SBF2: variants seen among roughly 807,000 people sequenced by gnomAD.
SBF2 encodes the protein SET binding factor 2.
SBF2 carries 112 observed loss-of-function variants against 225.2 expected under a neutral mutation model. The ratio of observed to expected loss-of-function variants is 0.50; its 90% CI spans 0.43 to 0.58. SBF2 has a LOEUF of 0.58. SBF2 is among the 20% of genes least tolerant of loss of function. The pLI is 0.00. For missense variants in SBF2, 1,996 were observed against 2,206.2 expected, an observed-to-expected ratio of 0.90 and a Z score of 1.91; for synonymous variants, 763 against 773.3, an observed-to-expected ratio of 0.99 and a Z score of 0.22.
In SBF2 at chr11:9,829,482, A is replaced by T; in HGVS notation, c.3667T>A (p.Leu1223Ile). Residue 1223 changes from leucine to isoleucine, a missense_variant, in exon 28 of 40, where the codon TTA (leucine) becomes ATA (isoleucine). By Grantham distance (5) the Leu-to-Ile change is conservative. Coordinates refer to ENST00000256190, the MANE Select transcript of SBF2 (RefSeq NM_030962.4). ...NSPQAAPTSS[L>I]ESSSSIEQEK... ...TGTTCTATGCTACTGGAAGATTCTA[A>T]AGAGGAGGTAGGAGCTATAAAAGGA... The T allele has an allele frequency of 6.2e-7, 1 of 1,611,932 alleles. No homozygotes were observed. Among genetic ancestry groups the T allele is most frequent in the Non-Finnish European group, 8.5e-7 (1 of 1,177,956 alleles).
intron 2 of SBF2, among the ~76,000 whole-genome samples, chr11:10,089,350 T>C (rs1390651952): frequency 2.0e-5 from 3 of 152,256 alleles, no homozygotes; most frequent in Non-Finnish European, 4.4e-5. Flanking sequence ...ATGCAGAGCA[T>C]GACTGTACTT....
chr11:9,839,498 C>T lies in SBF2; in HGVS notation c.3455G>A (p.Ser1152Asn). ...ASNRMYSLCR[S>N]YPGLLVVPQA... Reference sequence around the variant, plus strand: ...TTTTGGAGCCCACTGACACACTTACCTCCGGCAGAGTGAATACATCCTGTT... The same window carrying T: ...TTTTGGAGCCCACTGACACACTTACTTCCGGCAGAGTGAATACATCCTGTT... Residue 1152 changes from serine to asparagine, a missense_variant and splice_region_variant, in exon 26 of 40, where the codon AGC becomes AAC. Coordinates refer to ENST00000256190, the MANE Select transcript of SBF2 (RefSeq NM_030962.4). The T allele has an allele frequency of 6.2e-7, 1 of 1,614,114 alleles. No individual in the cohort carries two copies. The highest frequency in any genetic ancestry group is 8.5e-7 in the Non-Finnish European group (1 of 1,179,964).
chr11:9,998,457 T>C (rs1400763286), intron 8 of SBF2, 78 bp from the exon 9 acceptor site: 7 of 799,188 alleles, frequency 8.8e-6, no homozygotes, highest in Admixed American at 2.0e-5. Context: ...CCTTGACTAA[T>C]TCAAAACGAG....
intron 2 of SBF2, among the ~76,000 whole-genome samples, chr11:10,145,521 T>G (rs1954844483): frequency 6.6e-6 from 1 of 152,142 alleles, no homozygotes; most frequent in South Asian, 2.1e-4. Context: ...GTTTAAAAAC[T>G]ACCACAGCTT....
intron 1 of SBF2, among the ~76,000 whole-genome samples, chr11:10,236,953 G>C (rs985961916): frequency 3.3e-5 from 5 of 152,070 alleles, no homozygotes; most frequent in African/African-American, 1.2e-4. Context: ...GATCTGGAAA[G>C]AAAAAAAGAA....
At chr11:10,085,448 A>G (rs892660424) in intron 2 of SBF2, among the ~76,000 whole-genome samples, 5 of 152,028 alleles carry the variant, frequency 3.3e-5, no homozygotes, top group Admixed American at 2.6e-4. Context: ...TCATGTACTA[A>G]TTTATGTTTA....
Position 9,808,177 on chromosome 11 carries a change from G to A in SBF2, c.4266C>T (p.Ser1422=), listed in dbSNP as rs763445946. ...EGWDITAQVT[S]LVQLLSDPFY... ...AGGGATCACTGAGTAACTGAACCAG[G>A]GATGTCACCTAGGGCATAAGCAGGA... The change falls in exon 32 of 40, where the codon TCC becomes TCT. Residue 1422 remains serine, a synonymous_variant. Coordinates refer to ENST00000256190, the MANE Select transcript of SBF2 (RefSeq NM_030962.4). The A allele has an allele frequency of 1.1e-5, 18 of 1,613,638 alleles. No homozygotes were observed. The highest frequency in any genetic ancestry group is 1.5e-5 in the Non-Finnish European group (18 of 1,179,872).
At chr11:10,060,838 C>G (rs1282191206) in intron 2 of SBF2, among the ~76,000 whole-genome samples, 3 of 152,044 alleles carry the variant, frequency 2.0e-5, no homozygotes, top group African/African-American at 7.2e-5. Context: ...ACCATCCTGG[C>G]TAACACGGTT....
Position 9,839,313 on chromosome 11 carries a change from G to C in SBF2, c.3455+185C>G, listed in dbSNP as rs536138745. On this transcript the variant is annotated intron_variant, in intron 26 of 39. Coordinates refer to ENST00000256190, the MANE Select transcript of SBF2 (RefSeq NM_030962.4). Reference sequence around the variant, plus strand: ...ACCTTTCACCTTCTCACCTACTAGAGGTACTTTCAGTAAGGTAATTGTTCC... The same window carrying C: ...ACCTTTCACCTTCTCACCTACTAGACGTACTTTCAGTAAGGTAATTGTTCC... 7 of 655,844 alleles carry C rather than the reference G, an allele frequency of 1.1e-5. No individual in the cohort carries two copies. In the East Asian group the frequency reaches 1.9e-4, roughly 18 times the overall value. The allele number at this position is 655,844 out of a possible 1,614,324, so 40.6% of individuals were successfully genotyped here. A position where few individuals can be genotyped will look rare whatever the true frequency, so the allele number is the denominator to read the frequency against.
At chr11:10,046,891 A>C (rs2134696669) in intron 2 of SBF2, among the ~76,000 whole-genome samples, 1 of 151,562 alleles carries the variant, frequency 6.6e-6, no homozygotes, top group Middle Eastern at 3.4e-3. Flanking sequence ...AAAAAAAAAA[A>C]AAAACCCATC....
chr11:10,267,669 A>G (rs1267937628), intron 1 of SBF2, among the ~76,000 whole-genome samples: 1 of 151,838 alleles, frequency 6.6e-6, no homozygotes, highest in Non-Finnish European at 1.5e-5. Context: ...CTAAGTACAA[A>G]GCTAGAAGCA....
intron 6 of SBF2, among the ~76,000 whole-genome samples, chr11:10,013,907 A>G (rs1261433910): frequency 6.7e-6 from 1 of 149,416 alleles, no homozygotes; most frequent in Non-Finnish European, 1.5e-5. Flanking sequence ...TTCATTCATT[A>G]TCAGTGTGGA....
intron 33 of SBF2, among the ~76,000 whole-genome samples, chr11:9,795,277 A>T (rs1262377327): frequency 6.6e-6 from 1 of 152,216 alleles, no homozygotes; most frequent in African/African-American, 2.4e-5. Context: ...TTGGGCTAAG[A>T]GGCTAAGTGA....
rs373508767 is a variant in SBF2 at position 10,148,575 on chromosome 11, G to A, written c.141+45327C>T. 3.9e-5 allele frequency among the ~76,000 whole-genome samples: 6 copies of A among 151,946 alleles called. No individual in the cohort carries two copies. In the East Asian group the frequency reaches 1.2e-3, roughly 29 times the overall value. On this transcript the variant is annotated intron_variant, in intron 2 of 39. Coordinates refer to ENST00000256190, the MANE Select transcript of SBF2 (RefSeq NM_030962.4). Reference sequence around the variant, plus strand: ...ACTAGGAAGATTACCAAAGGTCCCAGCCAGGACAAAATCTAGGATCTCCAG... The same window carrying A: ...ACTAGGAAGATTACCAAAGGTCCCAACCAGGACAAAATCTAGGATCTCCAG...
At chr11:9,942,659 G>C (rs1234566327) in intron 16 of SBF2, among the ~76,000 whole-genome samples, 1 of 151,900 alleles carries the variant, frequency 6.6e-6, no homozygotes, top group Non-Finnish European at 1.5e-5. Context: ...GTAAAATCCT[G>C]TCTCTACTAA....
chr11:10,176,611 G>A (rs561007048), intron 2 of SBF2, among the ~76,000 whole-genome samples: 7 of 152,218 alleles, frequency 4.6e-5, no homozygotes, highest in Admixed American at 1.3e-4. Context: ...TAAATTCCTC[G>A]ACATATACAC....
intron 2 of SBF2, among the ~76,000 whole-genome samples, chr11:10,090,211 T>C (rs1432871444): frequency 1.3e-5 from 2 of 152,198 alleles, no homozygotes; most frequent in Non-Finnish European, 2.9e-5. Flanking sequence ...GTTTAACGGG[T>C]ACAGCATCTG....
chr11:10,133,295 C>A (rs1016956739), intron 2 of SBF2, among the ~76,000 whole-genome samples: 1 of 149,612 alleles, frequency 6.7e-6, no homozygotes, highest in South Asian at 2.1e-4. Flanking sequence ...AGTCCTGCGC[C>A]GTGTGCTCGC....
intron 17 of SBF2, among the ~76,000 whole-genome samples, chr11:9,867,466 T>A (rs982741356): frequency 6.6e-6 from 1 of 152,188 alleles, no homozygotes; most frequent in East Asian, 1.9e-4. Context: ...ATAGCCATTA[T>A]GCAAAAACAG....
Sources: gnomAD v4.1 joint callset for allele counts (sites outside exome capture counted in the v4.1 genomes callset) on GRCh38, gnomAD v4.1.1 for gene constraint, MANE v1.5 for transcripts, NCBI Gene and HGNC (gene_info 2026-07-23, HGNC 2026-07-21) for gene names.